Variants in VIPR2 observed in about 807,000 individuals in gnomAD.
VIPR2 encodes vasoactive intestinal peptide receptor 2, also known as vasoactive intestinal polypeptide receptor 2.
A neutral mutation model predicts 58.0 loss-of-function variants in VIPR2; 48 were observed. That is an observed-to-expected ratio of 0.83 (90% CI 0.66 to 1.05). The LOEUF (loss-of-function observed/expected upper bound fraction) is 1.05, where lower values mean the gene tolerates loss of function less well. Ranked by LOEUF, VIPR2 falls within the 50% of genes least tolerant of loss-of-function variation. VIPR2 has a pLI of 0.00. For synonymous variants in VIPR2, 243 were observed against 235.2 expected, an observed-to-expected ratio of 1.03 and a Z score of -0.30; for missense variants, 534 against 558.0, an observed-to-expected ratio of 0.96 and a Z score of 0.43.
chr7:159,095,883 A>G lies in VIPR2; in HGVS notation c.357+7874T>C, dbSNP rs1857806056. On this transcript the variant is annotated intron_variant, in intron 4 of 12. Coordinates refer to ENST00000262178, the MANE Select transcript of VIPR2 (RefSeq NM_003382.5). The surrounding 1 kb of genome is among the most constrained non-coding windows in gnomAD (Gnocchi z 5.2). ...AATTTGGGTTTCCACACTTTCTTCAATACAGTTGTTTCTGAGGACCATAAA... is the reference window on the plus strand; with the variant it reads ...AATTTGGGTTTCCACACTTTCTTCAGTACAGTTGTTTCTGAGGACCATAAA... 6.6e-6 allele frequency among the ~76,000 whole-genome samples: 1 copy of G among 152,050 alleles called. No homozygotes were observed. The highest frequency in any genetic ancestry group is 2.4e-5 in the African/African-American group (1 of 41,388).
rs995643874 is a variant in VIPR2, at chr7:159,099,326, G to A, written c.357+4431C>T. ...GGGATCACAGAGCCACTATGCTCAC[G>A]CAGGCAGGGTTTACTTACAGGCCTC... On this transcript the variant is annotated intron_variant, in intron 4 of 12. Transcript: ENST00000262178. The surrounding 1 kb of genome is among the most constrained non-coding windows in gnomAD (Gnocchi z 4.2). Among the ~76,000 whole-genome samples the A allele has an allele frequency of 1.3e-5, 2 of 152,178 alleles. No individual in the cohort carries two copies. The highest frequency in any genetic ancestry group is 1.9e-4 in the East Asian group (1 of 5,194).
intron 4 of VIPR2, among the ~76,000 whole-genome samples, chr7:159,078,014 A>G (rs749665144): frequency 7.9e-5 from 12 of 152,206 alleles, no homozygotes; most frequent in Non-Finnish European, 1.3e-4. Flanking sequence ...AAACTGGAAA[A>G]TTTGATATAA....
intron 2 of VIPR2, among the ~76,000 whole-genome samples, chr7:159,141,698 A>C (rs1217652174): frequency 6.6e-6 from 1 of 152,264 alleles, no homozygotes; most frequent in Non-Finnish European, 1.5e-5. Context: ...TGTGGCTTGC[A>C]TTCTGTTGCT....
chr7:159,048,094 T>TAATTACAATTAC (rs1854760957), intron 5 of VIPR2, among the ~76,000 whole-genome samples: 1 of 152,196 alleles, frequency 6.6e-6, no homozygotes, highest in Non-Finnish European at 1.5e-5. Context: ...CAGAATATTT[T>TAATTACAATTAC]AATTACAATC....
At chr7:159,101,064 CG>C (rs1858188513) in intron 4 of VIPR2, among the ~76,000 whole-genome samples, 1 of 124,754 alleles carries the variant, frequency 8.0e-6, no homozygotes, top group African/African-American at 3.0e-5. Context: ...GCCGTTCCCC[CG>C]ACTGTTCCTG....
chr7:159,064,825 C>T (rs1181327546), intron 4 of VIPR2, among the ~76,000 whole-genome samples: 1 of 152,222 alleles, frequency 6.6e-6, no homozygotes, highest in Non-Finnish European at 1.5e-5. Flanking sequence ...TCCTTCAGTC[C>T]CTGCAGAGGC....
chr7:159,073,605 C>T (rs1192187466), intron 4 of VIPR2, among the ~76,000 whole-genome samples: 2 of 152,292 alleles, frequency 1.3e-5, no homozygotes, highest in South Asian at 2.1e-4. Flanking sequence ...GACAGGGTTA[C>T]ATCATGTTAC....
At chr7:159,090,151 C>T (rs1171309948) in intron 4 of VIPR2, among the ~76,000 whole-genome samples, 1 of 138,456 alleles carries the variant, frequency 7.2e-6, no homozygotes, top group African/African-American at 2.9e-5. Context: ...TGGGACCACA[C>T]ACAGGGGCCA....
intron 2 of VIPR2, among the ~76,000 whole-genome samples, chr7:159,116,049 C>T (rs2129496621): frequency 6.6e-6 from 1 of 152,328 alleles, no homozygotes; most frequent in East Asian, 1.9e-4. Flanking sequence ...TGCTATGTGG[C>T]CCCGTGACCT....
intron 5 of VIPR2, among the ~76,000 whole-genome samples, chr7:159,056,165 C>T (rs59665827): frequency 0.011 from 1,634 of 152,278 alleles, 31 homozygotes; most frequent in African/African-American, 0.037. Flanking sequence ...GTACTTGACA[C>T]GGTGCATATT....
chr7:159,097,709 T>G lies in VIPR2; in HGVS notation c.357+6048A>C, dbSNP rs1857948117. Among the ~76,000 whole-genome samples, 1 of 152,234 alleles carries G rather than the reference T, an allele frequency of 6.6e-6. No individual in the cohort carries two copies. The highest frequency in any genetic ancestry group is 2.4e-5 in the African/African-American group (1 of 41,462). ...AGTGCCTTGTTTCAAGAAACAGGCTTGAAGAGGCACCTTTCAGAAGCTGAG... is the reference window on the plus strand; with the variant it reads ...AGTGCCTTGTTTCAAGAAACAGGCTGGAAGAGGCACCTTTCAGAAGCTGAG... On this transcript the variant is annotated intron_variant, in intron 4 of 12. Coordinates refer to ENST00000262178, the MANE Select transcript of VIPR2 (RefSeq NM_003382.5). The surrounding 1 kb of genome is among the most constrained non-coding windows in gnomAD (Gnocchi z 5.3).
Position 159,127,108 on chromosome 7 carries a change from CT to C in VIPR2, c.151+15337del, listed in dbSNP as rs1211008686. Among the ~76,000 whole-genome samples the C allele has an allele frequency of 1.2e-4, 19 of 152,208 alleles. No homozygotes were observed. The highest frequency in any genetic ancestry group is 4.6e-4 in the African/African-American group (19 of 41,452). On this transcript the variant is annotated intron_variant, in intron 2 of 12. Transcript: ENST00000262178. The surrounding 1 kb of genome is among the most constrained non-coding windows in gnomAD (Gnocchi z 4.6). ...CGTGTTTAGAATGCTGCAGAGGATA[CT>C]TTACAGCAAGCCGGATTTTCTTCAG...
intron 2 of VIPR2, among the ~76,000 whole-genome samples, chr7:159,116,328 G>T (rs932222760): frequency 6.6e-6 from 1 of 152,224 alleles, no homozygotes; most frequent in Non-Finnish European, 1.5e-5. Flanking sequence ...ATCTTCCTGG[G>T]AAGCAAACAG....
At chr7:159,135,050 C>T (rs1479807572) in intron 2 of VIPR2, among the ~76,000 whole-genome samples, 2 of 115,616 alleles carry the variant, frequency 1.7e-5, no homozygotes, top group Middle Eastern at 4.7e-3. Flanking sequence ...AGTAATTGGC[C>T]TAGAAAACAA....
intron 4 of VIPR2, among the ~76,000 whole-genome samples, chr7:159,084,148 C>T (rs1330876387): frequency 6.6e-6 from 1 of 152,260 alleles, no homozygotes; most frequent in Non-Finnish European, 1.5e-5. Flanking sequence ...CGCATCAGTA[C>T]TCAGACAGCT....
At chr7:159,109,948 G>A in intron 2 of VIPR2, 29 bp from the exon 3 acceptor site, 1 of 1,607,124 alleles carries the variant, frequency 6.2e-7, no homozygotes, top group Non-Finnish European at 8.5e-7. Context: ...AGTGAGGCAG[G>A]TGCAAGGTGA....
chr7:159,100,180 A>G (rs1448101599), intron 4 of VIPR2, among the ~76,000 whole-genome samples: 2 of 152,182 alleles, frequency 1.3e-5, no homozygotes, highest in Non-Finnish European at 2.9e-5. Flanking sequence ...CCAGATGGCA[A>G]CAAGCAGACT....
rs1480202882 is a variant in VIPR2 at position 159,030,030 on chromosome 7, T to G, written c.*586A>C. On this transcript the variant is annotated 3_prime_UTR_variant, in exon 13 of 13. Transcript: ENST00000262178. ...CTCGTGCTGGGCCACACAACTGCGTTTCCACATTTCCTCCTTGGCTCCCCT... is the reference window on the plus strand; with the variant it reads ...CTCGTGCTGGGCCACACAACTGCGTGTCCACATTTCCTCCTTGGCTCCCCT... 6.6e-6 allele frequency: 1 copy of G among 152,334 alleles called. No individual in the cohort carries two copies. Among genetic ancestry groups the G allele is most frequent in the Non-Finnish European group, 1.5e-5 (1 of 68,160 alleles). The allele number at this position is 152,334 out of a possible 1,614,324, so 9.4% of individuals were successfully genotyped here. A position where few individuals can be genotyped will look rare whatever the true frequency, so the allele number is the denominator to read the frequency against.
intron 2 of VIPR2, among the ~76,000 whole-genome samples, chr7:159,137,729 T>G (rs1797288382): frequency 6.6e-6 from 1 of 152,042 alleles, no homozygotes; most frequent in South Asian, 2.1e-4. Context: ...TATTTAAATA[T>G]CCAAGACGAG....
Sources: allele counts gnomAD v4.1 joint callset (sites outside exome capture counted in the v4.1 genomes callset), GRCh38; gene constraint gnomAD v4.1.1; non-coding constraint Gnocchi (gnomAD v3.1); transcripts MANE v1.5; gene names NCBI Gene and HGNC (gene_info 2026-07-23, HGNC 2026-07-21).